SORT1: variants seen among roughly 807,000 people sequenced by gnomAD.
SORT1 encodes the protein sortilin 1.
SORT1 carries 39 observed loss-of-function variants against 101.7 expected under a neutral mutation model. The ratio of observed to expected loss-of-function variants is 0.38; its 90% CI spans 0.30 to 0.50. The LOEUF (loss-of-function observed/expected upper bound fraction) is 0.50, where lower values mean the gene tolerates loss of function less well. Ranked by LOEUF, SORT1 falls within the 20% of genes least tolerant of loss-of-function variation. SORT1 has a pLI of 0.90. For missense variants in SORT1, 878 were observed against 1,040.4 expected, an observed-to-expected ratio of 0.84 and a Z score of 2.15; for synonymous variants, 396 against 393.7, an observed-to-expected ratio of 1.01 and a Z score of -0.07.
chr1:109,331,821 A>G (rs1477387640), intron 11 of SORT1, among the ~76,000 whole-genome samples: 1 of 152,058 alleles, frequency 6.6e-6, no homozygotes, highest in Admixed American at 6.5e-5. Flanking sequence ...GTTAAAACTA[A>G]TAAATTCAAA....
At chr1:109,393,015 T>C in intron 1 of SORT1, 1 of 985,368 alleles carries the variant, frequency 1.0e-6, no homozygotes, top group African/African-American at 1.7e-5. Context: ...TCCGGGGCAT[T>C]AAAGGACTGA....
chr1:109,325,289 G>C (rs1051538693), intron 13 of SORT1, among the ~76,000 whole-genome samples, 200 bp from the exon 14 acceptor site: 1 of 138,320 alleles, frequency 7.2e-6, no homozygotes, highest in African/African-American at 2.7e-5. Flanking sequence ...CCGGGCTGGA[G>C]TGCAGTGGCG....
chr1:109,367,098 G>A (rs568752952), intron 3 of SORT1: 58 of 224,208 alleles, frequency 2.6e-4, no homozygotes, highest in Non-Finnish European at 4.4e-4. Context: ...ATGGTAGCGT[G>A]TGCCTGCAGT....
intron 10 of SORT1, among the ~76,000 whole-genome samples, chr1:109,337,313 C>G (rs180937710): frequency 6.6e-6 from 1 of 152,230 alleles, no homozygotes; most frequent in African/African-American, 2.4e-5. Context: ...ATGGCACAAT[C>G]TCAGCTCACT....
chr1:109,328,284 C>G (rs181405976), intron 11 of SORT1, among the ~76,000 whole-genome samples: 7 of 152,310 alleles, frequency 4.6e-5, no homozygotes, highest in African/African-American at 1.4e-4. Flanking sequence ...ATATGATAAT[C>G]CTATTTTTAA....
chr1:109,378,697 ATGATATATAT>A (rs1652009318), intron 1 of SORT1, among the ~76,000 whole-genome samples: 1 of 91,130 alleles, frequency 1.1e-5, no homozygotes, highest in African/African-American at 4.3e-5. Flanking sequence ...GGTAGAGTGA[ATGATATATAT>A]ATATATATAT....
rs189187022 is a variant in SORT1, at chr1:109,383,887, T to C, written c.306+13700A>G. ...TTCAGAGTTTTCTGAGGGAGCATGA[T>C]ACAGAGGAGAGTACCAGGCTAATAA... On this transcript the variant is annotated intron_variant, in intron 1 of 19. Transcript: ENST00000256637. 9.2e-5 allele frequency among the ~76,000 whole-genome samples: 14 copies of C among 152,314 alleles called. No homozygotes were observed. In the East Asian group the frequency reaches 2.3e-3, roughly 25 times the overall value.
In SORT1 at chr1:109,316,901, T is replaced by C. The variant is rs1647257877; in HGVS notation, c.2199A>G (p.Val733=). The C allele has an allele frequency of 5.0e-6, 8 of 1,612,494 alleles. No individual in the cohort carries two copies. Among genetic ancestry groups the C allele is most frequent in the Non-Finnish European group, 6.8e-6 (8 of 1,179,380 alleles). Residue 733 remains valine, a synonymous_variant, in exon 17 of 20, where the codon GTA becomes GTG. Coordinates refer to ENST00000256637, the MANE Select transcript of SORT1 (RefSeq NM_002959.7). ...CQGGVNPVRE[V]KDLKKKCTSN... is the part of the protein sequence containing the mutation. ...TTGTGCATTTCTTTTTCAAGTCTTT[T>C]ACTTCTCGAACTGGATTTACCCCAC...
Position 109,355,476 on chromosome 1 carries a change from G to A in SORT1, c.441-7C>T, listed in dbSNP as rs776204073. The A allele has an allele frequency of 2.0e-6, 3 of 1,467,068 alleles. No homozygotes were observed. Among genetic ancestry groups the A allele is most frequent in the East Asian group, 4.5e-5 (2 of 44,190 alleles). 90.9% of individuals were successfully genotyped at this position (1,467,068 alleles called of 1,614,324 possible). A position where few individuals can be genotyped will look rare whatever the true frequency, so the allele number is the denominator to read the frequency against. On this transcript the variant is annotated splice_polypyrimidine_tract_variant and splice_region_variant and intron_variant, in intron 3 of 19. Transcript: ENST00000256637. ...GTTCTTCCCATAATCCTCACTGAGAGGAAGAAAAAAAGGGCAAATTTAGGG... is the reference window on the plus strand; with the variant it reads ...GTTCTTCCCATAATCCTCACTGAGAAGAAGAAAAAAAGGGCAAATTTAGGG...
chr1:109,375,408 T>A (rs1651761664), intron 1 of SORT1, among the ~76,000 whole-genome samples: 2 of 151,544 alleles, frequency 1.3e-5, no homozygotes, highest in African/African-American at 2.4e-5. Flanking sequence ...CCGGGCGAGG[T>A]GGCGGGCGCC....
chr1:109,336,142 C>T, intron 11 of SORT1, 98 bp downstream of exon 11: 1 of 733,858 alleles, frequency 1.4e-6, no homozygotes, highest in Non-Finnish European at 2.4e-6. Flanking sequence ...ATGCTGAGGA[C>T]CCTAATCAAG....
chr1:109,357,023 T>C (rs1650369738), intron 3 of SORT1, among the ~76,000 whole-genome samples: 1 of 152,262 alleles, frequency 6.6e-6, no homozygotes, highest in African/African-American at 2.4e-5. Context: ...GAAGATGTTT[T>C]GGTTACCAAT....
Position 109,347,820 on chromosome 1 carries a change from C to T in SORT1, c.783-288G>A, listed in dbSNP as rs532205862. Among the ~76,000 whole-genome samples the T allele has an allele frequency of 7.9e-5, 12 of 152,318 alleles. No homozygotes were observed. The South Asian group carries it at 2.3e-3, about 29-fold the overall frequency. On this transcript the variant is annotated intron_variant, in intron 6 of 19. Transcript: ENST00000256637. ...ATTTGCCTCTGACATTTTTGATCAT[C>T]ACAACTGAGGGGTGGGTGGCGGAGG... is the stretch of plus-strand genomic sequence containing the variant.
chr1:109,322,939 A>G lies in SORT1; in HGVS notation c.2017T>C (p.Phe673Leu). The G allele has an allele frequency of 1.2e-6, 2 of 1,611,944 alleles. No homozygotes were observed. The highest frequency in any genetic ancestry group is 1.7e-6 in the Non-Finnish European group (2 of 1,178,662). The change falls in exon 15 of 20, where the codon TTT (phenylalanine) becomes CTT (leucine). Residue 673 changes from phenylalanine to leucine, a missense_variant. Physicochemically the swap from Phe to Leu is conservative, Grantham distance 22. Transcript: ENST00000256637. ...TCTGAGGAATGCTGATACCAGAGAA[A>G]GTCCTCCAGGGAACAGAGGCAGATG... ...PSICLCSLED[F>L]LCDFGYYRPE...
intron 11 of SORT1, 33 bp from the exon 12 acceptor site, chr1:109,327,634 C>A: frequency 7.4e-7 from 1 of 1,359,370 alleles, no homozygotes; most frequent in South Asian, 1.3e-5. Context: ...AGATTAGAAC[C>A]AAAGATAAAG....
At chr1:109,335,827 A>C (rs1386954865) in intron 11 of SORT1, among the ~76,000 whole-genome samples, 1 of 152,144 alleles carries the variant, frequency 6.6e-6, no homozygotes, top group East Asian at 1.9e-4. Flanking sequence ...GGCAGAGGGA[A>C]AGGAAGGCCA....
At chr1:109,342,646 A>G (rs1303537101) in intron 8 of SORT1, among the ~76,000 whole-genome samples, 1 of 152,224 alleles carries the variant, frequency 6.6e-6, no homozygotes. Context: ...GGGAGATCAC[A>G]AGGGAAGTCA....
At position 109,397,818 on chromosome 1, in the gene SORT1, C is replaced by G; in HGVS notation, c.75G>C (p.Gln25His). 1 of 1,295,318 alleles carries G rather than the reference C, an allele frequency of 7.7e-7. No individual in the cohort carries two copies. The highest frequency in any genetic ancestry group is 9.9e-7 in the Non-Finnish European group (1 of 1,011,368). The allele number at this position is 1,295,318 out of a possible 1,614,324, so 80.2% of individuals were successfully genotyped here. A position where few individuals can be genotyped will look rare whatever the true frequency, so the allele number is the denominator to read the frequency against. ...PHGLGLLLLLQLLPPSTLSQD... is the reference protein window; with the variant it reads ...PHGLGLLLLLHLLPPSTLSQD... ...GGCTGAGGGTCGACGGCGGCAGCAG[C>G]TGCAGGAGGAGGAGGAGGCCGAGGC... The change falls in exon 1 of 20, where the codon CAG becomes CAC. Residue 25 changes from glutamine to histidine, a missense_variant. Around this residue, in one of 2 missense-constraint regions of SORT1, gnomAD observed 194 missense variants for 145.9 expected, o/e 1.33. Coordinates refer to ENST00000256637, the MANE Select transcript of SORT1 (RefSeq NM_002959.7).
intron 2 of SORT1, among the ~76,000 whole-genome samples, chr1:109,369,089 G>A (rs1315600211): frequency 1.3e-5 from 2 of 152,186 alleles, no homozygotes; most frequent in Non-Finnish European, 1.5e-5. Context: ...GGGAGGCTGA[G>A]GCGCGTGGAT....
Sources: gnomAD v4.1 joint callset for allele counts (sites outside exome capture counted in the v4.1 genomes callset) on GRCh38, gnomAD v4.1.1 for gene constraint, gnomAD v4.1.1 regional missense constraint, MANE v1.5 for transcripts, NCBI Gene and HGNC (gene_info 2026-07-23, HGNC 2026-07-21) for gene names.